Variants in RC3H1 observed in about 807,000 individuals in gnomAD.
RC3H1 encodes the protein ring finger and CCCH-type domains 1.
RC3H1 carries 50 observed loss-of-function variants against 138.2 expected under a neutral mutation model. That is an observed-to-expected ratio of 0.36 (90% CI 0.29 to 0.46). RC3H1 has a LOEUF of 0.46. RC3H1 is among the 20% of genes least tolerant of loss of function. The pLI is 1.00. For synonymous variants in RC3H1, 462 were observed against 489.1 expected, an observed-to-expected ratio of 0.94 and a Z score of 0.73; for missense variants, 1,031 against 1,388.1, an observed-to-expected ratio of 0.74 and a Z score of 4.09.
intron 7 of RC3H1, among the ~76,000 whole-genome samples, chr1:173,976,465 A>G (rs1358208431): frequency 6.6e-6 from 1 of 152,074 alleles, no homozygotes; most frequent in East Asian, 1.9e-4. Context: ...AAAAAAAAAA[A>G]AAGTTAAATG....
chr1:173,953,433 A>T (rs1557925175), intron 13 of RC3H1, among the ~76,000 whole-genome samples: 1 of 151,990 alleles, frequency 6.6e-6, no homozygotes, highest in Non-Finnish European at 1.5e-5. Flanking sequence ...CTCTACACCC[A>T]GCTAATTTTG....
At chr1:173,982,357 G>A (rs1349419984) in intron 5 of RC3H1, among the ~76,000 whole-genome samples, 3 of 152,250 alleles carry the variant, frequency 2.0e-5, no homozygotes, top group Non-Finnish European at 2.9e-5. Flanking sequence ...CAGCCTGGGC[G>A]ACAGCAAGAC....
intron 1 of RC3H1, among the ~76,000 whole-genome samples, chr1:174,008,483 G>C (rs1661689719): frequency 6.6e-6 from 1 of 152,042 alleles, no homozygotes; most frequent in Admixed American, 6.6e-5. Context: ...GGAAGAGGAG[G>C]AGCTGATTCA....
Position 173,946,599 on chromosome 1 carries a change from T to C in RC3H1, c.2838A>G (p.Ile946Met), listed in dbSNP as rs979311934. 17 of 1,613,928 alleles carry C rather than the reference T, an allele frequency of 1.1e-5. No homozygotes were observed. The highest frequency in any genetic ancestry group is 1.4e-5 in the Non-Finnish European group (17 of 1,179,946). Residue 946 changes from isoleucine (I) to methionine (M), a missense_variant, in exon 17 of 20, where the codon ATA (isoleucine) becomes ATG (methionine). By Grantham distance (10) the Ile-to-Met change is conservative. Transcript: ENST00000367696. ...CATGACTGGCCACTTCTGACATAGA[T>C]ATTCTCTCCCTTTGGTTAGAAAGAA... ...SQGHFSERER[I>M]SMSEVASHGK...
chr1:173,989,112 T>C (rs1209072792), intron 2 of RC3H1, among the ~76,000 whole-genome samples: 1 of 152,266 alleles, frequency 6.6e-6, no homozygotes, highest in African/African-American at 2.4e-5. Flanking sequence ...CACTGCAGCC[T>C]CCATCAGGTG....
chr1:174,003,251 G>C (rs184012410), intron 1 of RC3H1, among the ~76,000 whole-genome samples: 1 of 152,106 alleles, frequency 6.6e-6, no homozygotes, highest in Non-Finnish European at 1.5e-5. Context: ...GCCAGACATG[G>C]TGGTGGGCGC....
chr1:173,944,444 G>A (rs1659046866), intron 17 of RC3H1, among the ~76,000 whole-genome samples: 1 of 152,184 alleles, frequency 6.6e-6, no homozygotes, highest in African/African-American at 2.4e-5. Context: ...CGGAGGGATA[G>A]CATTAGGAGA....
intron 14 of RC3H1, among the ~76,000 whole-genome samples, chr1:173,951,035 T>G (rs1471883538): frequency 6.7e-6 from 1 of 148,974 alleles, no homozygotes; most frequent in East Asian, 2.0e-4. Context: ...TAAAAAGAGA[T>G]AAGATGAAGC....
At chr1:173,979,074 C>G (rs922145282) in intron 6 of RC3H1, among the ~76,000 whole-genome samples, 1 of 152,098 alleles carries the variant, frequency 6.6e-6, no homozygotes, top group Admixed American at 6.5e-5. Context: ...TCAGTTCATC[C>G]GTTGCAAAAG....
At chr1:173,949,838 G>A (rs187007560) in intron 14 of RC3H1, among the ~76,000 whole-genome samples, 10 of 152,198 alleles carry the variant, frequency 6.6e-5, no homozygotes, top group Middle Eastern at 6.8e-3. Context: ...AGAATATCTC[G>A]TAAAAGCAGC....
intron 13 of RC3H1, among the ~76,000 whole-genome samples, chr1:173,954,195 T>G (rs1451472533): frequency 1.3e-5 from 2 of 152,114 alleles, no homozygotes; most frequent in Non-Finnish European, 2.9e-5. Context: ...CAGCAACAGA[T>G]GAATTGATAA....
Position 173,946,868 on chromosome 1 carries a change from C to A in RC3H1, c.2738-32G>T, listed in dbSNP as rs12066069. 4,859 of 1,399,388 alleles carry A rather than the reference C, an allele frequency of 3.5e-3. 129 individuals are homozygous for A. In the African/African-American group the frequency reaches 0.061, roughly 18 times the overall value. 86.7% of individuals were successfully genotyped at this position (1,399,388 alleles called of 1,614,324 possible). A position where few individuals can be genotyped will look rare whatever the true frequency, so the allele number is the denominator to read the frequency against. On this transcript the variant is annotated intron_variant, in intron 15 of 19. Transcript: ENST00000367696. ...GAGAATGATTTATTATGGTATAATT[C>A]ACAGATTTGATTCTTCTTTTAAGGT...
intron 19 of RC3H1, among the ~76,000 whole-genome samples, chr1:173,940,471 CA>C (rs940723477): frequency 7.6e-5 from 11 of 145,278 alleles, no homozygotes; most frequent in Non-Finnish European, 1.4e-4. Context: ...AGCTCCGTCT[CA>C]AAAAAAAAAC....
intron 8 of RC3H1, among the ~76,000 whole-genome samples, chr1:173,971,670 CAG>C (rs1165488904): frequency 1.3e-5 from 2 of 152,096 alleles, no homozygotes; most frequent in South Asian, 2.1e-4. Context: ...TCTAATGAAA[CAG>C]AGAGTTAAAA....
chr1:173,946,646 T>C (rs1659150450), intron 16 of RC3H1, 38 bp from the exon 17 acceptor site: 7 of 1,609,048 alleles, frequency 4.4e-6, no homozygotes, highest in Non-Finnish European at 5.9e-6. Flanking sequence ...AATTTTAACA[T>C]TTCATTTTGT....
At chr1:173,965,713 G>A (rs757119265) in intron 9 of RC3H1, among the ~76,000 whole-genome samples, 7 of 152,172 alleles carry the variant, frequency 4.6e-5, no homozygotes, top group Admixed American at 6.5e-5. Flanking sequence ...ATCTTTAGAA[G>A]ATAGTTTCTG....
At chr1:174,019,170 T>A (rs1333899100) in intron 1 of RC3H1, among the ~76,000 whole-genome samples, 1 of 152,220 alleles carries the variant, frequency 6.6e-6, no homozygotes, top group African/African-American at 2.4e-5. Flanking sequence ...TATGAGTTTT[T>A]ATATTTTATA....
chr1:173,961,027 GAC>G, intron 13 of RC3H1, 48 bp downstream of exon 13: 1 of 1,564,458 alleles, frequency 6.4e-7, no homozygotes. Context: ...ACTTAAACCG[GAC>G]ACACACAAAA....
chr1:174,022,018 A>G lies in RC3H1; in HGVS notation c.-151+78T>C, dbSNP rs1023616649. The G allele has an allele frequency of 7.7e-6, 3 of 388,546 alleles. No individual in the cohort carries two copies. The South Asian group carries it at 3.9e-4, about 51-fold the overall frequency. The allele number at this position is 388,546 out of a possible 1,614,324, so 24.1% of individuals were successfully genotyped here. A position where few individuals can be genotyped will look rare whatever the true frequency, so the allele number is the denominator to read the frequency against. ...GGGCGAGGACAAACCCTTCCCGACC[A>G]CAGCTGCCTATTGTTCCCGACTGAG... On this transcript the variant is annotated intron_variant, in intron 1 of 19. Transcript: ENST00000367696. The surrounding 1 kb of genome is among the most constrained non-coding windows in gnomAD (Gnocchi z 4.2).
Sources: allele counts gnomAD v4.1 joint callset (sites outside exome capture counted in the v4.1 genomes callset), GRCh38; gene constraint gnomAD v4.1.1; non-coding constraint Gnocchi (gnomAD v3.1); transcripts MANE v1.5; gene names NCBI Gene and HGNC (gene_info 2026-07-23, HGNC 2026-07-21).